Variants in CCBE1 observed in about 807,000 individuals in gnomAD.
The protein encoded by CCBE1 is collagen and calcium-binding EGF domain-containing protein 1.
A neutral mutation model predicts 50.0 loss-of-function variants in CCBE1; 37 were observed. That is an observed-to-expected ratio of 0.74 (90% CI 0.57 to 0.97). CCBE1 has a LOEUF of 0.97. CCBE1 is among the 50% of genes least tolerant of loss of function. The pLI is 0.00. For synonymous variants in CCBE1, 234 were observed against 203.7 expected (o/e 1.15, Z -1.27); for missense variants, 538 against 523.8 (o/e 1.03, Z -0.26).
At chr18:59,581,560 C>G (rs1214673779) in intron 2 of CCBE1, among the ~76,000 whole-genome samples, 1 of 152,156 alleles carries the variant, frequency 6.6e-6, no homozygotes, top group African/African-American at 2.4e-5. Flanking sequence ...AAAGCACATT[C>G]TCATCTTCCA....
At chr18:59,633,676 C>T (rs547331542) in intron 2 of CCBE1, among the ~76,000 whole-genome samples, 11 of 151,606 alleles carry the variant, frequency 7.3e-5, no homozygotes, top group African/African-American at 2.7e-4. Flanking sequence ...AAATAGCCAA[C>T]AGAACGAAGC....
chr18:59,675,002 C>CACTG (rs1374567895), intron 2 of CCBE1, among the ~76,000 whole-genome samples: 2 of 152,158 alleles, frequency 1.3e-5, no homozygotes, highest in Non-Finnish European at 2.9e-5. Context: ...CCAAGACTAT[C>CACTG]ACTGGCACTC....
At chr18:59,439,497 G>C (rs563989824) in intron 9 of CCBE1, 46 bp downstream of exon 9, 5 of 1,611,136 alleles carry the variant, frequency 3.1e-6, no homozygotes, top group Non-Finnish European at 4.2e-6. Flanking sequence ...CAAAAAAATC[G>C]AAAGTGAGAG....
intron 2 of CCBE1, among the ~76,000 whole-genome samples, chr18:59,525,009 C>T (rs867235020): frequency 6.6e-6 from 1 of 152,088 alleles, no homozygotes; most frequent in Non-Finnish European, 1.5e-5. Flanking sequence ...TGTGTCTTTG[C>T]TATTGTGAAT....
intron 2 of CCBE1, among the ~76,000 whole-genome samples, chr18:59,669,052 T>G (rs758811052): frequency 4.6e-5 from 7 of 152,054 alleles, no homozygotes; most frequent in Non-Finnish European, 1.0e-4. Flanking sequence ...CAGGCTGGTC[T>G]TGAACTCCTG....
At chr18:59,615,887 A>G (rs2053630683) in intron 2 of CCBE1, among the ~76,000 whole-genome samples, 1 of 152,226 alleles carries the variant, frequency 6.6e-6, no homozygotes, top group Non-Finnish European at 1.5e-5. Flanking sequence ...GCACTCATAG[A>G]GCAAAGAGGA....
chr18:59,588,094 C>A (rs1279619323), intron 2 of CCBE1, among the ~76,000 whole-genome samples: 1 of 152,116 alleles, frequency 6.6e-6, no homozygotes, highest in African/African-American at 2.4e-5. Flanking sequence ...ATTGTTTTAG[C>A]AGAATTTGAT....
At chr18:59,679,966 G>A (rs141859032) in intron 2 of CCBE1, among the ~76,000 whole-genome samples, 1 of 152,322 alleles carries the variant, frequency 6.6e-6, no homozygotes, top group African/African-American at 2.4e-5. Context: ...GTTCATGCCT[G>A]TAATCCCAGC....
At chr18:59,462,912 A>C (rs1911561198) in intron 5 of CCBE1, among the ~76,000 whole-genome samples, 1 of 152,230 alleles carries the variant, frequency 6.6e-6, no homozygotes, top group Admixed American at 6.5e-5. Context: ...CGCAAATAAT[A>C]CTAGAGAAGA....
At chr18:59,567,536 G>A (rs1167859013) in intron 2 of CCBE1, among the ~76,000 whole-genome samples, 34 of 152,204 alleles carry the variant, frequency 2.2e-4, no homozygotes, top group Admixed American at 2.2e-3. Flanking sequence ...GCAAATGATT[G>A]CAGTCATGCT....
At chr18:59,656,054 G>A (rs572479035) in intron 2 of CCBE1, among the ~76,000 whole-genome samples, 40 of 152,284 alleles carry the variant, frequency 2.6e-4, no homozygotes, top group Non-Finnish European at 5.0e-4. Context: ...AGGGGTGGTG[G>A]GAGGAAAAGG....
At chr18:59,693,695 C>G (rs148650319) in intron 2 of CCBE1, among the ~76,000 whole-genome samples, 1 of 151,922 alleles carries the variant, frequency 6.6e-6, no homozygotes. Context: ...TGTATTTTAT[C>G]GTTTTATACT....
chr18:59,696,800 G>A lies in CCBE1; in HGVS notation c.132-91C>T. 3.6e-6 allele frequency: 5 copies of A among 1,374,636 alleles called. No individual in the cohort carries two copies. In the East Asian group the frequency reaches 9.2e-5, roughly 25 times the overall value. 85.2% of individuals were successfully genotyped at this position (1,374,636 alleles called of 1,614,324 possible). A position where few individuals can be genotyped will look rare whatever the true frequency, so the allele number is the denominator to read the frequency against. The stretch of plus-strand genomic sequence containing the variant: ...GGGGAATCCCTGGCGCGTGGGGATC[G>A]CCAGGCTCCCCGTCCCGGCGCTCTG... On this transcript the variant is annotated intron_variant, in intron 1 of 10. Coordinates refer to ENST00000439986, the MANE Select transcript of CCBE1 (RefSeq NM_133459.4).
At chr18:59,513,541 T>C (rs933544634) in intron 2 of CCBE1, among the ~76,000 whole-genome samples, 1 of 152,144 alleles carries the variant, frequency 6.6e-6, no homozygotes, top group Non-Finnish European at 1.5e-5. Context: ...GTCAGGTAAG[T>C]CTGGAGGCAG....
intron 5 of CCBE1, chr18:59,459,089 T>C (rs949574190): frequency 1.3e-5 from 2 of 152,362 alleles, no homozygotes; most frequent in Non-Finnish European, 1.5e-5. Context: ...TGATAAGATA[T>C]GTAGGTTCCC....
chr18:59,613,362 T>G (rs1209130138), intron 2 of CCBE1, among the ~76,000 whole-genome samples: 3 of 152,164 alleles, frequency 2.0e-5, no homozygotes, highest in Non-Finnish European at 4.4e-5. Flanking sequence ...GATTCAAGAG[T>G]TGTTTTGTCT....
intron 7 of CCBE1, among the ~76,000 whole-genome samples, chr18:59,445,956 T>C (rs575969603): frequency 1.3e-5 from 2 of 152,194 alleles, no homozygotes; most frequent in African/African-American, 4.8e-5. Flanking sequence ...GTTTCCTGTA[T>C]TGGTGCTCCA....
At chr18:59,469,438 T>C (rs1911914616) in intron 4 of CCBE1, 35 bp downstream of exon 4, 2 of 1,614,034 alleles carry the variant, frequency 1.2e-6, no homozygotes, top group Non-Finnish European at 1.7e-6. Flanking sequence ...AAGGCACATG[T>C]TCAGAAGCTG....
chr18:59,609,148 G>A lies in CCBE1; in HGVS notation c.212+87481C>T, dbSNP rs1205688634. Among the ~76,000 whole-genome samples the A allele has an allele frequency of 2.0e-5, 3 of 152,274 alleles. No individual in the cohort carries two copies. The East Asian group carries it at 5.8e-4, about 29-fold the overall frequency. On this transcript the variant is annotated intron_variant, in intron 2 of 10. Coordinates refer to ENST00000439986, the MANE Select transcript of CCBE1 (RefSeq NM_133459.4). ...GCCACTACTCCCCATACTCGCTTCT[G>A]GATTCCTTAGTGTTCTGTTGGGTTC...
Sources: gnomAD v4.1 joint callset for allele counts (sites outside exome capture counted in the v4.1 genomes callset) on GRCh38, gnomAD v4.1.1 for gene constraint, MANE v1.5 for transcripts, NCBI Gene and HGNC (gene_info 2026-07-23, HGNC 2026-07-21) for gene names.